The following NEIL2 variants were observed in gnomAD, a reference collection of about 807,000 sequenced individuals.
NEIL2 encodes the protein endonuclease 8-like 2.
Under a neutral mutation model 22.2 loss-of-function variants are expected in NEIL2, and 23 were observed. The ratio of observed to expected loss-of-function variants is 1.04; its 90% CI spans 0.75 to 1.47. The LOEUF (loss-of-function observed/expected upper bound fraction) is 1.47, where lower values mean the gene tolerates loss of function less well. Among genes scored for constraint, NEIL2 ranks in the 40% most tolerant of loss-of-function variants. The pLI is 0.00. For missense variants in NEIL2, 583 were observed against 404.7 expected, an observed-to-expected ratio of 1.44 and a Z score of -3.78; for synonymous variants, 229 against 164.8, an observed-to-expected ratio of 1.39 and a Z score of -2.99.
At chr8:11,777,354 C>T (rs1462296902) in intron 2 of NEIL2, among the ~76,000 whole-genome samples, 2 of 152,132 alleles carry the variant, frequency 1.3e-5, no homozygotes, top group Middle Eastern at 6.8e-3. Flanking sequence ...CCTCCCACCC[C>T]CACCGCCTTT....
At chr8:11,770,599 A>G (rs1427413581) in intron 1 of NEIL2, among the ~76,000 whole-genome samples, 1 of 152,190 alleles carries the variant, frequency 6.6e-6, no homozygotes, top group Non-Finnish European at 1.5e-5. Context: ...CCCGATATCT[A>G]CTTAGTTCTT....
intron 4 of NEIL2, among the ~76,000 whole-genome samples, chr8:11,785,545 T>C (rs893486109): frequency 9.2e-5 from 14 of 152,240 alleles, no homozygotes; most frequent in African/African-American, 3.4e-4. Context: ...TACCAGCCAC[T>C]GTGCTCAGCG....
At chr8:11,770,490 T>C (rs1363247223) in intron 1 of NEIL2, among the ~76,000 whole-genome samples, 155 bp downstream of exon 1, 1 of 152,224 alleles carries the variant, frequency 6.6e-6, no homozygotes, top group Admixed American at 6.5e-5. Context: ...TGCTGCCGAA[T>C]ATGAGAATGC....
In NEIL2 at chr8:11,771,439, C is replaced by T. The variant is rs1803424857; in HGVS notation, c.-2-7C>T. On this transcript the variant is annotated splice_polypyrimidine_tract_variant and splice_region_variant and intron_variant, in intron 1 of 4. Coordinates refer to ENST00000284503, the MANE Select transcript of NEIL2 (RefSeq NM_145043.4). Reference sequence around the variant, plus strand: ...CGGTGGCCTCTTTTGCCCATTTCTGCCCACAGGGATGCCAGAAGGGCCGTT... The same window carrying T: ...CGGTGGCCTCTTTTGCCCATTTCTGTCCACAGGGATGCCAGAAGGGCCGTT... 2 of 1,613,482 alleles carry T rather than the reference C, an allele frequency of 1.2e-6. No homozygotes were observed. The highest frequency in any genetic ancestry group is 8.5e-7 in the Non-Finnish European group (1 of 1,180,012).
In NEIL2 at chr8:11,783,300, C is replaced by A. The variant is rs572007284; in HGVS notation, c.589C>A (p.Leu197Met). Reference protein sequence around the residue: ...SPVVTPTCDILSEKFHRGQAL... With the variant: ...SPVVTPTCDIMSEKFHRGQAL... ...AGTGGTCACACCCACCTGTGACATC[C>A]TGTCTGAGAAGTTCCATCGAGGACA... is the stretch of plus-strand genomic sequence containing the variant. The change falls in exon 4 of 5, where the codon CTG becomes ATG. Residue 197 changes from leucine (L) to methionine (M), a missense_variant. Transcript: ENST00000284503. 127 of 1,614,180 alleles carry A rather than the reference C, an allele frequency of 7.9e-5. No individual in the cohort carries two copies. In the South Asian group the frequency reaches 1.3e-3, roughly 16 times the overall value.
intron 3 of NEIL2, among the ~76,000 whole-genome samples, chr8:11,780,208 G>C (rs866991488): frequency 3.9e-5 from 6 of 152,302 alleles, no homozygotes; most frequent in South Asian, 4.1e-4. Context: ...GGCACTTGAG[G>C]GGGGACTGTC....
At chr8:11,772,892 C>G (rs1803591536) in intron 2 of NEIL2, among the ~76,000 whole-genome samples, 1 of 152,058 alleles carries the variant, frequency 6.6e-6, no homozygotes, top group Admixed American at 6.5e-5. Context: ...AGTACTAGTT[C>G]CCTTTCTTCC....
intron 4 of NEIL2, among the ~76,000 whole-genome samples, chr8:11,784,956 C>T (rs1245499542): frequency 6.6e-6 from 1 of 152,118 alleles, no homozygotes; most frequent in Non-Finnish European, 1.5e-5. Context: ...GCAGCCTCAA[C>T]CTCTGTGGCT....
At chr8:11,770,922 G>T (rs536839813) in intron 1 of NEIL2, among the ~76,000 whole-genome samples, 1 of 152,310 alleles carries the variant, frequency 6.6e-6, no homozygotes, top group African/African-American at 2.4e-5. Context: ...CTCTGTCTGC[G>T]TGTTGGTCGT....
chr8:11,786,417 G>A lies in NEIL2; in HGVS notation c.*144G>A. The A allele has an allele frequency of 3.8e-6, 3 of 786,442 alleles. No homozygotes were observed. The highest frequency in any genetic ancestry group is 5.4e-5 in the East Asian group (2 of 37,276). 48.7% of individuals were successfully genotyped at this position (786,442 alleles called of 1,614,324 possible). A position where few individuals can be genotyped will look rare whatever the true frequency, so the allele number is the denominator to read the frequency against. ...GTAGTATAATATTCGTCTCCCTGGA[G>A]TTATGTTGAAGGCAGAGTTTTCATA... On this transcript the variant is annotated 3_prime_UTR_variant, in exon 5 of 5. Transcript: ENST00000284503.
intron 4 of NEIL2, among the ~76,000 whole-genome samples, chr8:11,784,614 G>A (rs558221816): frequency 1.3e-4 from 20 of 152,114 alleles, no homozygotes; most frequent in African/African-American, 4.1e-4. Flanking sequence ...GCTCTGTCAC[G>A]CTCACCACCT....
intron 3 of NEIL2, among the ~76,000 whole-genome samples, chr8:11,782,246 A>T (rs886893417): frequency 6.6e-5 from 10 of 151,914 alleles, no homozygotes; most frequent in African/African-American, 2.2e-4. Flanking sequence ...AACATGATGA[A>T]ACCCCCATCT....
rs1289863305 is a variant in NEIL2 at position 11,770,045 on chromosome 8, C to T, written c.-293C>T. On this transcript the variant is annotated 5_prime_UTR_variant, in exon 1 of 5. Transcript: ENST00000284503. ...TCGGAAGAGAACGGCGGAGACAACC[C>T]CTCCTCTTCCCTGGCTGGCGCAGCG... The T allele has an allele frequency of 2.0e-5, 3 of 152,120 alleles. No homozygotes were observed. Among genetic ancestry groups the T allele is most frequent in the Non-Finnish European group, 2.9e-5 (2 of 68,034 alleles). The allele number at this position is 152,120 out of a possible 1,614,324, so 9.4% of individuals were successfully genotyped here. A position where few individuals can be genotyped will look rare whatever the true frequency, so the allele number is the denominator to read the frequency against.
intron 2 of NEIL2, among the ~76,000 whole-genome samples, chr8:11,776,425 C>G (rs1477742022): frequency 6.6e-6 from 1 of 152,216 alleles, no homozygotes; most frequent in Non-Finnish European, 1.5e-5. Context: ...ATTTTATGGT[C>G]AGTGATGTCC....
intron 2 of NEIL2, among the ~76,000 whole-genome samples, chr8:11,774,474 C>T (rs541759534): frequency 1.3e-5 from 2 of 152,304 alleles, no homozygotes; most frequent in Non-Finnish European, 2.9e-5. Flanking sequence ...GTACCTCCCA[C>T]CAGGTCCGTC....
intron 2 of NEIL2, among the ~76,000 whole-genome samples, chr8:11,773,243 C>T (rs1803627247): frequency 6.6e-6 from 1 of 152,134 alleles, no homozygotes; most frequent in African/African-American, 2.4e-5. Context: ...GATGGGTGGG[C>T]AGATGGATGT....
Position 11,786,131 on chromosome 8 carries a change from A to T in NEIL2, c.857A>T (p.Tyr286Phe), listed in dbSNP as rs1306901757. The change falls in exon 5 of 5, where the codon TAC becomes TTC. Residue 286 changes from tyrosine (Y) to phenylalanine (F), a missense_variant. Coordinates refer to ENST00000284503, the MANE Select transcript of NEIL2 (RefSeq NM_145043.4). The part of the protein sequence containing the change: ...FQGRPQHTQV[Y>F]QKEQCPAGHQ... ...GGCAGACCGCAGCACACACAGGTCT[A>T]CCAGAAAGAACAGTGCCCTGCTGGC... is the stretch of plus-strand genomic sequence containing the variant. 1 of 1,614,122 alleles carries T rather than the reference A, an allele frequency of 6.2e-7. No homozygotes were observed. Among genetic ancestry groups the T allele is most frequent in the Non-Finnish European group, 8.5e-7 (1 of 1,180,014 alleles).
chr8:11,779,587 A>AT lies in NEIL2; in HGVS notation c.139-5dup, dbSNP rs1563258481. On this transcript the variant is annotated splice_polypyrimidine_tract_variant and intron_variant, in intron 2 of 4. Transcript: ENST00000284503. Reference sequence around the variant, plus strand: ...GTCTGTAAGGCTTGGATCTCTGTTCATTTTTTCTAGGTCCATGGAAAGAAA... The same window carrying AT: ...GTCTGTAAGGCTTGGATCTCTGTTCATTTTTTTCTAGGTCCATGGAAAGAAA... The AT allele has an allele frequency of 3.1e-6, 5 of 1,600,756 alleles. No homozygotes were observed. Among genetic ancestry groups the AT allele is most frequent in the Non-Finnish European group, 4.3e-6 (5 of 1,170,174 alleles).
At chr8:11,776,709 G>C (rs1319168206) in intron 2 of NEIL2, among the ~76,000 whole-genome samples, 3 of 152,118 alleles carry the variant, frequency 2.0e-5, no homozygotes, top group Non-Finnish European at 4.4e-5. Flanking sequence ...CAGCACCTGG[G>C]GCCTCCCCAT....
Sources: allele counts gnomAD v4.1 joint callset (sites outside exome capture counted in the v4.1 genomes callset), GRCh38; gene constraint gnomAD v4.1.1; transcripts MANE v1.5; gene names NCBI Gene and HGNC (gene_info 2026-07-23, HGNC 2026-07-21).